The following LRCH3 variants were observed in gnomAD, a reference collection of about 807,000 sequenced individuals.
The protein encoded by LRCH3 is DISP complex protein LRCH3.
A neutral mutation model predicts 104.5 loss-of-function variants in LRCH3; 68 were observed. The ratio of observed to expected loss-of-function variants is 0.65; its 90% CI spans 0.54 to 0.80. LRCH3 has a LOEUF of 0.80. LRCH3 is among the 30% of genes least tolerant of loss of function. LRCH3 has a pLI of 0.00. For missense variants in LRCH3, 951 were observed against 953.9 expected (o/e 1.00, Z 0.04); for synonymous variants, 344 against 361.3 (o/e 0.95, Z 0.54).
chr3:197,811,286 A>T (rs1195645565), intron 1 of LRCH3, among the ~76,000 whole-genome samples: 1 of 152,120 alleles, frequency 6.6e-6, no homozygotes, highest in Non-Finnish European at 1.5e-5. Context: ...TTTTTAGTTT[A>T]TTTCATACTG....
chr3:197,829,635 G>A lies in LRCH3; in HGVS notation c.849G>A (p.Leu283=). 6.2e-7 allele frequency: 1 copy of A among 1,613,270 alleles called. No homozygotes were observed. The highest frequency in any genetic ancestry group is 8.5e-7 in the Non-Finnish European group (1 of 1,179,804). The change falls in exon 6 of 21, where the codon CTG becomes CTA. Residue 283 remains leucine, a synonymous_variant. Transcript: ENST00000425562. ...NIQACKIAPD[L]PDYDRRPLGF... ...AAGCTTGTAAGATTGCTCCAGATCT[G>A]CCGGATTATGATAGGAGACCGTTGG...
In LRCH3 at chr3:197,791,260, G is replaced by C. The variant is rs1560508553; in HGVS notation, c.-19G>C. On this transcript the variant is annotated 5_prime_UTR_variant, in exon 1 of 21. Transcript: ENST00000425562. ...GCGCATGCGCTGAGCTGGCGGGCCC[G>C]AGTGTTGTCGGCTGGGAAATGGCGG... 1 of 1,606,812 alleles carries C rather than the reference G, an allele frequency of 6.2e-7. No individual in the cohort carries two copies. Among genetic ancestry groups the C allele is most frequent in the South Asian group, 1.1e-5 (1 of 90,148 alleles).
intron 20 of LRCH3, among the ~76,000 whole-genome samples, chr3:197,878,992 C>G (rs532273673): frequency 1.4e-3 from 213 of 152,288 alleles, no homozygotes; most frequent in South Asian, 2.5e-3. Flanking sequence ...CTCTGTGTAA[C>G]TTTTAAAGTG....
Position 197,839,728 on chromosome 3 carries a change from C to T in LRCH3, c.1328+331C>T, listed in dbSNP as rs561727283. ...GGCATAGTGGCTAACACTTGTAATC[C>T]CAACACTTTGGGAGGCCAAGACGGG... On this transcript the variant is annotated intron_variant, in intron 10 of 20. Transcript: ENST00000425562. Among the ~76,000 whole-genome samples, 4 of 152,058 alleles carry T rather than the reference C, an allele frequency of 2.6e-5. No individual in the cohort carries two copies. In the South Asian group the frequency reaches 6.2e-4, roughly 24 times the overall value.
chr3:197,826,377 C>G (rs1735206901), intron 4 of LRCH3, among the ~76,000 whole-genome samples: 1 of 152,136 alleles, frequency 6.6e-6, no homozygotes, highest in Non-Finnish European at 1.5e-5. Context: ...TGACTTAACT[C>G]CTCCATTTTT....
intron 6 of LRCH3, among the ~76,000 whole-genome samples, chr3:197,830,420 G>A (rs1735776336): frequency 6.6e-6 from 1 of 152,198 alleles, no homozygotes; most frequent in Admixed American, 6.5e-5. Context: ...CAGTCAAAGT[G>A]AAGTAATGTT....
At chr3:197,848,963 T>C (rs926089391) in intron 12 of LRCH3, among the ~76,000 whole-genome samples, 16 of 152,170 alleles carry the variant, frequency 1.1e-4, no homozygotes, top group African/African-American at 3.9e-4. Flanking sequence ...TTGTTTTCTA[T>C]AAAAATGCAG....
At chr3:197,818,295 T>TA (rs1734086650) in intron 3 of LRCH3, among the ~76,000 whole-genome samples, 1 of 152,238 alleles carries the variant, frequency 6.6e-6, no homozygotes, top group African/African-American at 2.4e-5. Flanking sequence ...AGCACTCAAA[T>TA]AGGTTAAATA....
intron 20 of LRCH3, chr3:197,882,290 A>G (rs1235405370): frequency 1.0e-6 from 1 of 985,350 alleles, no homozygotes; most frequent in Admixed American, 6.1e-5. Context: ...AACACTGGGC[A>G]GGTTCATTTT....
At chr3:197,823,490 T>G (rs968272755) in intron 4 of LRCH3, 9 of 152,106 alleles carry the variant, frequency 5.9e-5, no homozygotes, top group African/African-American at 1.9e-4. Flanking sequence ...TAAACTCCTT[T>G]GACTCTTTTT....
chr3:197,875,485 G>A lies in LRCH3; in HGVS notation c.2131-213G>A, dbSNP rs1012568324. On this transcript the variant is annotated intron_variant, in intron 19 of 20. Coordinates refer to ENST00000425562, the MANE Select transcript of LRCH3 (RefSeq NM_001365715.1). ...TCAAGACCAGCCTGGGCAACGTGGC[G>A]AACCCTGTCTCTACAAAAATTGCCC... is the stretch of plus-strand genomic sequence containing the variant. Among the ~76,000 whole-genome samples, 77 of 152,066 alleles carry A rather than the reference G, an allele frequency of 5.1e-4. 1 individual carries two copies. The highest frequency in any genetic ancestry group is 1.6e-4 in the Non-Finnish European group (11 of 67,998).
At chr3:197,819,253 T>C (rs1318754216) in intron 3 of LRCH3, among the ~76,000 whole-genome samples, 1 of 152,224 alleles carries the variant, frequency 6.6e-6, no homozygotes, top group Non-Finnish European at 1.5e-5. Context: ...AGCAAACTGC[T>C]GTTTTCAACA....
intron 5 of LRCH3, 38 bp downstream of exon 5, chr3:197,827,052 A>T: frequency 6.2e-7 from 1 of 1,608,072 alleles, no homozygotes; most frequent in Non-Finnish European, 8.5e-7. Context: ...ACCATGGTGG[A>T]AGCATCAGGT....
At chr3:197,847,059 C>G (rs1436223668) in intron 10 of LRCH3, among the ~76,000 whole-genome samples, 1 of 152,172 alleles carries the variant, frequency 6.6e-6, no homozygotes, top group Non-Finnish European at 1.5e-5. Context: ...TCTCAGTTTA[C>G]ATGTATCGTG....
At chr3:197,802,228 A>G (rs1299318486) in intron 1 of LRCH3, among the ~76,000 whole-genome samples, 2 of 152,246 alleles carry the variant, frequency 1.3e-5, no homozygotes. Flanking sequence ...CATAAGGAAG[A>G]TACTCAGGGT....
intron 8 of LRCH3, among the ~76,000 whole-genome samples, chr3:197,834,801 A>G (rs1736461235): frequency 6.6e-6 from 1 of 151,934 alleles, no homozygotes; most frequent in African/African-American, 2.4e-5. Flanking sequence ...GTGAACTAGG[A>G]CTAAGGTTTT....
intron 15 of LRCH3, among the ~76,000 whole-genome samples, chr3:197,864,021 C>G (rs530478557): frequency 6.6e-6 from 1 of 152,262 alleles, no homozygotes; most frequent in South Asian, 2.1e-4. Context: ...ATAAACACAA[C>G]TAGGCCGGGC....
At chr3:197,803,275 G>A (rs1009258962) in intron 1 of LRCH3, among the ~76,000 whole-genome samples, 4 of 152,072 alleles carry the variant, frequency 2.6e-5, no homozygotes, top group African/African-American at 9.7e-5. Context: ...AAAATTTGTG[G>A]CTTCTGGCCA....
Position 197,887,755 on chromosome 3 carries a change from G to A in LRCH3, c.*4089G>A, listed in dbSNP as rs1714347752. On this transcript the variant is annotated 3_prime_UTR_variant, in exon 21 of 21. Transcript: ENST00000425562. ...CTGGGGCTGAGAGCCCCCCAGCAGAGCCCTTCCCATCACTGACAGTGTCTG... is the reference window on the plus strand; with the variant it reads ...CTGGGGCTGAGAGCCCCCCAGCAGAACCCTTCCCATCACTGACAGTGTCTG... 6.9e-6 allele frequency: 1 copy of A among 145,736 alleles called. No individual in the cohort carries two copies. Among genetic ancestry groups the A allele is most frequent in the Non-Finnish European group, 1.5e-5 (1 of 67,410 alleles). 9.0% of individuals were successfully genotyped at this position (145,736 alleles called of 1,614,324 possible).
Sources: gnomAD v4.1 joint callset for allele counts (sites outside exome capture counted in the v4.1 genomes callset) on GRCh38, gnomAD v4.1.1 for gene constraint, MANE v1.5 for transcripts, NCBI Gene and HGNC (gene_info 2026-07-23, HGNC 2026-07-21) for gene names.